The following NPAS3 variants were observed in gnomAD, a reference collection of about 807,000 sequenced individuals.
The protein encoded by NPAS3 is neuronal PAS domain-containing protein 3.
In NPAS3, 14 loss-of-function variants were observed where a neutral mutation model predicts 73.1. The observed-to-expected ratio is 0.19, with a 90% CI of 0.13 to 0.30. The LOEUF is 0.30. NPAS3 is among the 10% of genes least tolerant of loss of function. The pLI, the probability that NPAS3 is intolerant of heterozygous loss-of-function variation, is 1.00. For missense variants in NPAS3, 1,096 were observed against 1,250.0 expected (o/e 0.88, Z 1.86); for synonymous variants, 620 against 541.5 (o/e 1.14, Z -2.01).
rs573501020 is a variant in NPAS3 at position 33,628,814 on chromosome 14, A to G, written c.559-47397A>G. ...ATTGAGAGAGTAAGAAAACGATACA[A>G]TTTTCTCACGTAATGAAATAGAAAG... On this transcript the variant is annotated intron_variant, in intron 5 of 11. Transcript: ENST00000356141. Among the ~76,000 whole-genome samples, 66 of 152,324 alleles carry G rather than the reference A, an allele frequency of 4.3e-4. 1 individual carries two copies. The Middle Eastern group carries it at 0.01, about 24-fold the overall frequency.
intron 5 of NPAS3, among the ~76,000 whole-genome samples, chr14:33,590,429 C>T (rs1181635747): frequency 6.6e-6 from 1 of 152,064 alleles, no homozygotes; most frequent in Non-Finnish European, 1.5e-5. Context: ...GAACCACTTG[C>T]TTTGAATCTC....
rs1192504164 is a variant in NPAS3 at position 33,800,966 on chromosome 14, G to A, written c.2659G>A (p.Gly887Ser). ...GCTCAACATGTCAGGACCGTTCGGC[G>A]GCGCAGTGAGCGCAGCTAGCCTGAC... Residue 887 changes from glycine to serine, a missense_variant, in exon 12 of 12, where the codon GGC becomes AGC. Gly to Ser is a moderately conservative substitution (Grantham distance 56). Around this residue, in one of 5 missense-constraint regions of NPAS3, gnomAD observed 698 missense variants for 676.7 expected, o/e 1.03. Transcript: ENST00000356141. This position sits in a 1 kb window ranked among gnomAD's most constrained non-coding sequence, Gnocchi z 6.5. The A allele has an allele frequency of 6.3e-6, 10 of 1,597,334 alleles. No individual in the cohort carries two copies. Among genetic ancestry groups the A allele is most frequent in the African/African-American group, 1.3e-5 (1 of 74,552 alleles).
intron 2 of NPAS3, among the ~76,000 whole-genome samples, chr14:33,078,300 C>T (rs564518216): frequency 5.3e-5 from 8 of 152,246 alleles, no homozygotes; most frequent in South Asian, 2.1e-4. Flanking sequence ...CATTTTCCTT[C>T]GTAATACCCA....
At chr14:33,081,414 G>A (rs1311997225) in intron 2 of NPAS3, among the ~76,000 whole-genome samples, 1 of 152,040 alleles carries the variant, frequency 6.6e-6, no homozygotes, top group Admixed American at 6.5e-5. Context: ...TAAAGTGTGT[G>A]TGAGCAATCA....
chr14:33,244,857 C>A (rs911952674), intron 3 of NPAS3, among the ~76,000 whole-genome samples: 3 of 152,194 alleles, frequency 2.0e-5, no homozygotes, highest in Non-Finnish European at 4.4e-5. Flanking sequence ...GCATTGTTTT[C>A]TTCTGACCTT....
Position 33,598,398 on chromosome 14 carries a change from ATG to A in NPAS3, c.558+38194_558+38195del, listed in dbSNP as rs1048763046. On this transcript the variant is annotated intron_variant, in intron 5 of 11. Transcript: ENST00000356141. Reference sequence around the variant, plus strand: ...TTTTTGGTTTCACATAATGGTGATGATGTGTGTATATGTGAATAGTTTTAATA... The same window carrying A: ...TTTTTGGTTTCACATAATGGTGATGATGTGTATATGTGAATAGTTTTAATA... Among the ~76,000 whole-genome samples, 44 of 152,246 alleles carry A rather than the reference ATG, an allele frequency of 2.9e-4. 1 individual carries two copies. Among genetic ancestry groups the A allele is most frequent in the African/African-American group, 9.6e-4 (40 of 41,548 alleles).
At chr14:32,941,286 T>TC (rs1271330733) in intron 1 of NPAS3, among the ~76,000 whole-genome samples, 1 of 27,124 alleles carries the variant, frequency 3.7e-5, no homozygotes. Context: ...CCTCCCTCCC[T>TC]CCCTCCCTCC....
At chr14:33,235,261 G>A (rs538177381) in intron 3 of NPAS3, among the ~76,000 whole-genome samples, 13 of 151,998 alleles carry the variant, frequency 8.6e-5, no homozygotes, top group African/African-American at 2.9e-4. Context: ...TTTGTCCTTT[G>A]TTTGGCTTCT....
intron 5 of NPAS3, among the ~76,000 whole-genome samples, chr14:33,659,864 G>A (rs2059257994): frequency 1.3e-5 from 2 of 152,088 alleles, no homozygotes; most frequent in Admixed American, 1.3e-4. Flanking sequence ...AAAATCAAAG[G>A]ATGGTCAATG....
intron 2 of NPAS3, among the ~76,000 whole-genome samples, chr14:33,093,016 C>T (rs956133533): frequency 7.2e-5 from 11 of 152,148 alleles, no homozygotes; most frequent in African/African-American, 2.7e-4. Flanking sequence ...CGTAGAAACC[C>T]TAGAAGAAAA....
At chr14:33,647,069 A>C (rs1249982715) in intron 5 of NPAS3, among the ~76,000 whole-genome samples, 1 of 152,128 alleles carries the variant, frequency 6.6e-6, no homozygotes, top group Admixed American at 6.5e-5. Flanking sequence ...AAATGATGTG[A>C]AAGTCAGGTA....
chr14:33,326,187 G>A (rs1209939132), intron 3 of NPAS3, among the ~76,000 whole-genome samples: 1 of 152,118 alleles, frequency 6.6e-6, no homozygotes, highest in South Asian at 2.1e-4. Flanking sequence ...CCGCAGTGCA[G>A]GACAGAGACA....
At chr14:33,196,579 C>T (rs1423680401) in intron 2 of NPAS3, among the ~76,000 whole-genome samples, 1 of 152,188 alleles carries the variant, frequency 6.6e-6, no homozygotes, top group Non-Finnish European at 1.5e-5. Flanking sequence ...ACCCTCCTCA[C>T]CGAAATCTCC....
intron 3 of NPAS3, among the ~76,000 whole-genome samples, chr14:33,224,561 C>T (rs1326805772): frequency 6.6e-6 from 1 of 151,934 alleles, no homozygotes; most frequent in Admixed American, 6.6e-5. Flanking sequence ...GACCAGATTG[C>T]CTGGTCTTTT....
intron 3 of NPAS3, among the ~76,000 whole-genome samples, chr14:33,285,750 T>A (rs939508072): frequency 1.1e-4 from 16 of 152,242 alleles, no homozygotes; most frequent in Admixed American, 9.2e-4. Context: ...CTGCAGTGCC[T>A]CCTGCCTGGA....
intron 2 of NPAS3, among the ~76,000 whole-genome samples, chr14:33,087,450 T>C (rs1424219912): frequency 6.6e-6 from 1 of 151,914 alleles, no homozygotes; most frequent in Non-Finnish European, 1.5e-5. Context: ...GTGCAAATGA[T>C]ACCATTAATG....
intron 3 of NPAS3, among the ~76,000 whole-genome samples, chr14:33,291,380 G>T (rs948309013): frequency 2.0e-5 from 3 of 152,104 alleles, no homozygotes; most frequent in African/African-American, 4.8e-5. Context: ...AGGTGAATCT[G>T]TTTTCTCTGA....
chr14:33,124,081 T>C (rs1413530455), intron 2 of NPAS3, among the ~76,000 whole-genome samples: 1 of 152,054 alleles, frequency 6.6e-6, no homozygotes, highest in Non-Finnish European at 1.5e-5. Context: ...CTTGAATTCC[T>C]GGGCTCAAGA....
At chr14:33,498,781 C>T (rs2052348833) in intron 4 of NPAS3, among the ~76,000 whole-genome samples, 1 of 151,862 alleles carries the variant, frequency 6.6e-6, no homozygotes, top group African/African-American at 2.4e-5. Flanking sequence ...ATGTGTATAC[C>T]TATGTAACAA....
Sources: gnomAD v4.1 joint callset for allele counts (sites outside exome capture counted in the v4.1 genomes callset) on GRCh38, gnomAD v4.1.1 for gene constraint, gnomAD v4.1.1 regional missense constraint, Gnocchi (gnomAD v3.1) non-coding constraint, MANE v1.5 for transcripts, NCBI Gene and HGNC (gene_info 2026-07-23, HGNC 2026-07-21) for gene names.